The following LIPC variants were observed in gnomAD, a reference collection of about 807,000 sequenced individuals.
LIPC encodes hepatic triacylglycerol lipase.
Under a neutral mutation model 50.7 loss-of-function variants are expected in LIPC, and 44 were observed. The observed-to-expected ratio is 0.87, with a 90% confidence interval of 0.68 to 1.11. LIPC has a LOEUF of 1.11. LIPC is among the 50% of genes most tolerant of loss of function. LIPC has a pLI of 0.00. For synonymous variants in LIPC, 271 were observed against 256.4 expected, an observed-to-expected ratio of 1.06 and a Z score of -0.54; for missense variants, 697 against 648.2, an observed-to-expected ratio of 1.08 and a Z score of -0.82.
intron 1 of LIPC, among the ~76,000 whole-genome samples, chr15:58,485,986 C>T (rs1176074533): frequency 6.6e-6 from 1 of 152,208 alleles, no homozygotes; most frequent in Non-Finnish European, 1.5e-5. Context: ...TGAAGCACTT[C>T]CCAAGCCTCA....
At chr15:58,548,020 G>C (rs1419297969) in intron 5 of LIPC, among the ~76,000 whole-genome samples, 1 of 152,112 alleles carries the variant, frequency 6.6e-6, no homozygotes, top group Non-Finnish European at 1.5e-5. Context: ...TAATGAATTT[G>C]ATCTTTCCTT....
intron 1 of LIPC, among the ~76,000 whole-genome samples, chr15:58,472,576 CAAA>C (rs34483233): frequency 1.6e-5 from 2 of 122,612 alleles, no homozygotes; most frequent in Non-Finnish European, 3.5e-5. Context: ...ACTCTTGTCT[CAAA>C]AAAAAAAAAA....
intron 1 of LIPC, among the ~76,000 whole-genome samples, chr15:58,480,625 C>G (rs1447549045): frequency 2.0e-5 from 3 of 152,222 alleles, no homozygotes; most frequent in Non-Finnish European, 4.4e-5. Context: ...CAAGCTTGTC[C>G]AACCTTCAGC....
chr15:58,476,806 T>C (rs1292920574), intron 1 of LIPC, among the ~76,000 whole-genome samples: 5 of 152,242 alleles, frequency 3.3e-5, no homozygotes, highest in African/African-American at 1.2e-4. Flanking sequence ...GTGGTCAGAA[T>C]GTGCCTCTGT....
At chr15:58,492,589 C>G (rs1420701874) in intron 1 of LIPC, among the ~76,000 whole-genome samples, 1 of 152,146 alleles carries the variant, frequency 6.6e-6, no homozygotes, top group Non-Finnish European at 1.5e-5. Flanking sequence ...AGTTCCCACT[C>G]AGGCCCATTC....
At chr15:58,520,328 C>T (rs1339305058) in intron 1 of LIPC, among the ~76,000 whole-genome samples, 1 of 152,182 alleles carries the variant, frequency 6.6e-6, no homozygotes, top group African/African-American at 2.4e-5. Context: ...TCTCCTGTAG[C>T]AGCCCCCAAA....
At chr15:58,435,390 C>A (rs1251880538) in intron 1 of LIPC, 2 of 147,690 alleles carry the variant, frequency 1.4e-5, no homozygotes, top group Non-Finnish European at 3.0e-5. Context: ...CCTTGGCCTG[C>A]AAACCACTGC....
chr15:58,451,793 G>C (rs1893908459), intron 1 of LIPC, among the ~76,000 whole-genome samples: 1 of 152,164 alleles, frequency 6.6e-6, no homozygotes, highest in Admixed American at 6.5e-5. Flanking sequence ...TTCCACAGAG[G>C]CGAGCAGGAG....
intron 1 of LIPC, among the ~76,000 whole-genome samples, chr15:58,476,409 G>A (rs1252899555): frequency 6.6e-6 from 1 of 152,236 alleles, no homozygotes; most frequent in African/African-American, 2.4e-5. Flanking sequence ...GTCACAGGAA[G>A]CCATGCAGTC....
At chr15:58,516,651 T>G (rs1266423242) in intron 1 of LIPC, among the ~76,000 whole-genome samples, 5 of 152,248 alleles carry the variant, frequency 3.3e-5, no homozygotes, top group African/African-American at 7.2e-5. Context: ...GACATTGATT[T>G]TTGAATCTCT....
At chr15:58,478,888 C>T (rs1215508402) in intron 1 of LIPC, among the ~76,000 whole-genome samples, 2 of 152,208 alleles carry the variant, frequency 1.3e-5, no homozygotes, top group Non-Finnish European at 2.9e-5. Context: ...AGAGTTAAGG[C>T]AACTTTTACA....
chr15:58,538,353 C>T lies in LIPC; in HGVS notation c.109C>T (p.Gln37Ter). 6.2e-7 allele frequency: 1 copy of T among 1,614,162 alleles called. No homozygotes were observed. Among genetic ancestry groups the T allele is most frequent in the Non-Finnish European group, 8.5e-7 (1 of 1,180,022 alleles). The change falls in exon 2 of 9, where the codon CAA (glutamine) becomes TAA (stop). Residue 37 changes from glutamine to a stop codon, truncating the protein, a stop_gained. Coordinates refer to ENST00000299022, the MANE Select transcript of LIPC (RefSeq NM_000236.3). LOFTEE classifies it high-confidence loss of function. ...LKPEPFGRRA[Q>*]AVETNKTLHE... ...TGCAGAGCCATTTGGAAGAAGAGCTCAAGCTGTTGAAACAAACAAAACGCT... is the reference window on the plus strand; with the variant it reads ...TGCAGAGCCATTTGGAAGAAGAGCTTAAGCTGTTGAAACAAACAAAACGCT...
rs112539397 is a variant in LIPC at position 58,432,662 on chromosome 15, G to T, written c.88+542G>T. On this transcript the variant is annotated intron_variant, in intron 1 of 8. Transcript: ENST00000299022. ...TCTGAGGCTGAAGAATCCAACAGCC[G>T]TCCTGCCTGTTTTGTTTGTAAATTC... Among the ~76,000 whole-genome samples, 797 of 152,302 alleles carry T rather than the reference G, an allele frequency of 5.2e-3. 6 individuals are homozygous for T. The highest frequency in any genetic ancestry group is 0.018 in the African/African-American group (761 of 41,542).
chr15:58,538,410 G>A lies in LIPC; in HGVS notation c.166G>A (p.Gly56Arg), dbSNP rs376746632. ...GATGAAGACCAGATTCCTGCTCTTTGGAGAAACCAATCAGGGCTGTCAGAT... is the reference window on the plus strand; with the variant it reads ...GATGAAGACCAGATTCCTGCTCTTTAGAGAAACCAATCAGGGCTGTCAGAT... ...HEMKTRFLLF[G>R]ETNQGCQIRI... Residue 56 changes from glycine to arginine, a missense_variant, in exon 2 of 9, where the codon GGA becomes AGA. Coordinates refer to ENST00000299022, the MANE Select transcript of LIPC (RefSeq NM_000236.3). 9.3e-6 allele frequency: 15 copies of A among 1,614,044 alleles called. No homozygotes were observed. In the African/African-American group the frequency reaches 1.9e-4, roughly 20 times the overall value.
intron 1 of LIPC, among the ~76,000 whole-genome samples, chr15:58,440,947 G>C (rs1433176431): frequency 2.0e-5 from 3 of 152,190 alleles, no homozygotes; most frequent in Admixed American, 6.5e-5. Context: ...GGAAGGACAG[G>C]AAGGGCCATC....
chr15:58,462,433 C>G (rs7172556), intron 1 of LIPC, among the ~76,000 whole-genome samples: 21,789 of 152,178 alleles, frequency 0.14, 1,566 homozygotes, highest in Non-Finnish European at 0.17. Flanking sequence ...ATGATAAAGG[C>G]TTTCAGCACC....
chr15:58,528,779 A>G (rs4775070), intron 1 of LIPC, among the ~76,000 whole-genome samples: 119,855 of 152,210 alleles, frequency 0.79, 51,443 homozygotes, highest in Non-Finnish European at 0.97. Flanking sequence ...AGGAAGCAGC[A>G]ATCTTCTCTT....
intron 1 of LIPC, among the ~76,000 whole-genome samples, chr15:58,519,456 G>T (rs917193667): frequency 3.3e-5 from 5 of 151,340 alleles, no homozygotes; most frequent in Non-Finnish European, 7.4e-5. Context: ...TAGCCAGTCA[G>T]GCAAAGCCAA....
intron 6 of LIPC, among the ~76,000 whole-genome samples, chr15:58,559,278 G>C (rs1459734673): frequency 1.3e-5 from 2 of 152,210 alleles, no homozygotes; most frequent in Non-Finnish European, 2.9e-5. Flanking sequence ...CATGTTGTTA[G>C]ATGTTAATGT....
Sources: gnomAD v4.1 joint callset for allele counts (sites outside exome capture counted in the v4.1 genomes callset) on GRCh38, gnomAD v4.1.1 for gene constraint, MANE v1.5 for transcripts, NCBI Gene and HGNC (gene_info 2026-07-23, HGNC 2026-07-21) for gene names.